MARCHF4: variants seen among roughly 807,000 people sequenced by gnomAD.
MARCHF4 encodes E3 ubiquitin-protein ligase MARCHF4.
Under a neutral mutation model 43.9 loss-of-function variants are expected in MARCHF4, and 14 were observed. The observed-to-expected ratio is 0.32, with a 90% CI of 0.21 to 0.50. The LOEUF (loss-of-function observed/expected upper bound fraction) is 0.50. MARCHF4 is among the 20% of genes least tolerant of loss of function. MARCHF4 has a pLI of 0.98. For missense variants in MARCHF4, 468 were observed against 536.7 expected, an observed-to-expected ratio of 0.87 and a Z score of 1.27; for synonymous variants, 226 against 213.3, an observed-to-expected ratio of 1.06 and a Z score of -0.52.
intron 3 of MARCHF4, among the ~76,000 whole-genome samples, chr2:216,261,277 G>T (rs1690739801): frequency 6.6e-6 from 1 of 152,166 alleles, no homozygotes; most frequent in South Asian, 2.1e-4. Flanking sequence ...CTTTGAGGGG[G>T]AAGAATCTGT....
intron 1 of MARCHF4, among the ~76,000 whole-genome samples, chr2:216,355,226 C>T (rs1692482669): frequency 6.6e-6 from 1 of 152,186 alleles, no homozygotes; most frequent in African/African-American, 2.4e-5. Flanking sequence ...CTTGCCTTGG[C>T]CTCCCAAAGC....
intron 1 of MARCHF4, among the ~76,000 whole-genome samples, chr2:216,309,683 C>T (rs1301868773): frequency 6.6e-6 from 1 of 152,206 alleles, no homozygotes; most frequent in African/African-American, 2.4e-5. Flanking sequence ...ACAAGATAAA[C>T]TTGGAAACCA....
At chr2:216,286,254 G>C (rs1236884359) in intron 1 of MARCHF4, among the ~76,000 whole-genome samples, 1 of 152,170 alleles carries the variant, frequency 6.6e-6, no homozygotes, top group Non-Finnish European at 1.5e-5. Flanking sequence ...AGAAAGCAAG[G>C]ATGGTCCAGG....
intron 3 of MARCHF4, among the ~76,000 whole-genome samples, chr2:216,265,047 G>A (rs1294426150): frequency 2.6e-5 from 4 of 152,188 alleles, no homozygotes; most frequent in African/African-American, 4.8e-5. Context: ...AGGAGCAGGT[G>A]ACGTGGCCAA....
chr2:216,333,974 T>C (rs1385391435), intron 1 of MARCHF4, among the ~76,000 whole-genome samples: 1 of 152,076 alleles, frequency 6.6e-6, no homozygotes, highest in Non-Finnish European at 1.5e-5. Context: ...TTTTTTTTTT[T>C]TTAAGAATGA....
At chr2:216,289,232 C>CT (rs1553516260) in intron 1 of MARCHF4, among the ~76,000 whole-genome samples, 12 of 112,510 alleles carry the variant, frequency 1.1e-4, no homozygotes, top group Non-Finnish European at 1.5e-4. Flanking sequence ...TTTTCTTCCC[C>CT]ACCCGCCCCC....
rs761247964 is a variant in MARCHF4 at position 216,370,287 on chromosome 2, G to C, written c.-27C>G. On this transcript the variant is annotated 5_prime_UTR_variant, in exon 1 of 4. Transcript: ENST00000273067. ...TGCCCCGTGGAAGTAGAGAGCCCAAGAGGGGTGGCTGGAGTCTTAAAAGAG... is the reference window on the plus strand; with the variant it reads ...TGCCCCGTGGAAGTAGAGAGCCCAACAGGGGTGGCTGGAGTCTTAAAAGAG... 1.9e-6 allele frequency: 3 copies of C among 1,564,194 alleles called. No individual in the cohort carries two copies. The African/African-American group carries it at 4.1e-5, about 21-fold the overall frequency.
At chr2:216,363,281 C>CA (rs1209564349) in intron 1 of MARCHF4, among the ~76,000 whole-genome samples, 1 of 152,220 alleles carries the variant, frequency 6.6e-6, no homozygotes, top group African/African-American at 2.4e-5. Flanking sequence ...TTACTACAAA[C>CA]AACACTGTGT....
intron 1 of MARCHF4, among the ~76,000 whole-genome samples, chr2:216,287,111 C>T (rs1163216325): frequency 6.6e-6 from 1 of 152,198 alleles, no homozygotes; most frequent in Non-Finnish European, 1.5e-5. Flanking sequence ...CTCCCCTTCT[C>T]CAGGTCCCAC....
intron 3 of MARCHF4, among the ~76,000 whole-genome samples, chr2:216,273,038 G>C (rs1253477810): frequency 6.6e-6 from 1 of 152,178 alleles, no homozygotes; most frequent in Non-Finnish European, 1.5e-5. Context: ...GCTGTGGATG[G>C]GGTTGAAGCA....
At chr2:216,274,906 AC>A in intron 3 of MARCHF4, among the ~76,000 whole-genome samples, 1 of 17,318 alleles carries the variant, frequency 5.8e-5, no homozygotes, top group South Asian at 8.9e-3. Flanking sequence ...AGCTGTCTGA[AC>A]TCACTCCTTA....
At chr2:216,338,555 C>T (rs575162651) in intron 1 of MARCHF4, among the ~76,000 whole-genome samples, 1 of 152,312 alleles carries the variant, frequency 6.6e-6, no homozygotes, top group South Asian at 2.1e-4. Flanking sequence ...AACCTACCTC[C>T]TCCTTTTGTC....
chr2:216,285,103 T>C (rs1233082210), intron 1 of MARCHF4, among the ~76,000 whole-genome samples: 1 of 152,136 alleles, frequency 6.6e-6, no homozygotes, highest in Non-Finnish European at 1.5e-5. Context: ...TTTCCTCCAG[T>C]GCCAAGCCCT....
Position 216,370,337 on chromosome 2 carries a change from C to T in MARCHF4, c.-77G>A. ...GGGGGACAGGACAGGTTTTGGGGGTCCACAGTGGATCTGTGTTGTGGGGGG... is the reference window on the plus strand; with the variant it reads ...GGGGGACAGGACAGGTTTTGGGGGTTCACAGTGGATCTGTGTTGTGGGGGG... On this transcript the variant is annotated 5_prime_UTR_variant, in exon 1 of 4. Transcript: ENST00000273067. 7.1e-7 allele frequency: 1 copy of T among 1,405,804 alleles called. No homozygotes were observed. The highest frequency in any genetic ancestry group is 9.4e-7 in the Non-Finnish European group (1 of 1,061,496). The allele number at this position is 1,405,804 out of a possible 1,614,324, so 87.1% of individuals were successfully genotyped here.
At position 216,370,266 on chromosome 2, in the gene MARCHF4, C is replaced by G. The variant is rs1382605770; in HGVS notation, c.-6G>C. 3.8e-6 allele frequency: 6 copies of G among 1,591,076 alleles called. No homozygotes were observed. The highest frequency in any genetic ancestry group is 5.1e-6 in the Non-Finnish European group (6 of 1,166,492). Reference sequence around the variant, plus strand: ...CCACACAGGGGCATCAGCATGTGCCCCGTGGAAGTAGAGAGCCCAAGAGGG... The same window carrying G: ...CCACACAGGGGCATCAGCATGTGCCGCGTGGAAGTAGAGAGCCCAAGAGGG... On this transcript the variant is annotated 5_prime_UTR_variant, in exon 1 of 4. Coordinates refer to ENST00000273067, the MANE Select transcript of MARCHF4 (RefSeq NM_020814.3).
intron 1 of MARCHF4, among the ~76,000 whole-genome samples, chr2:216,294,630 A>G (rs1691361424): frequency 6.6e-6 from 1 of 152,174 alleles, no homozygotes. Context: ...TGGCATGTGT[A>G]AGAATCACCT....
At chr2:216,299,246 G>C (rs1691448269) in intron 1 of MARCHF4, among the ~76,000 whole-genome samples, 1 of 152,200 alleles carries the variant, frequency 6.6e-6, no homozygotes, top group Non-Finnish European at 1.5e-5. Context: ...AGCCATGAAA[G>C]AGAACCAGGG....
At chr2:216,302,498 G>C (rs1310482517) in intron 1 of MARCHF4, among the ~76,000 whole-genome samples, 1 of 151,774 alleles carries the variant, frequency 6.6e-6, no homozygotes, top group Non-Finnish European at 1.5e-5. Flanking sequence ...AAAGTGCTGG[G>C]ATTACAGGCA....
chr2:216,263,040 G>T (rs1359286122), intron 3 of MARCHF4, among the ~76,000 whole-genome samples: 1 of 152,182 alleles, frequency 6.6e-6, no homozygotes, highest in African/African-American at 2.4e-5. Flanking sequence ...ACAGGAGTAG[G>T]GGGAGTGTAT....
Sources: allele counts gnomAD v4.1 joint callset (sites outside exome capture counted in the v4.1 genomes callset), GRCh38; gene constraint gnomAD v4.1.1; transcripts MANE v1.5; gene names NCBI Gene and HGNC (gene_info 2026-07-23, HGNC 2026-07-21).